USH2A: variants seen among roughly 807,000 people sequenced by gnomAD.
USH2A encodes the protein Usher syndrome 2A (autosomal recessive, mild).
USH2A carries 443 observed loss-of-function variants against 538.9 expected under a neutral mutation model. The observed-to-expected ratio is 0.82, with a 90% CI of 0.76 to 0.89. The LOEUF is 0.89. USH2A is among the 40% of genes least tolerant of loss of function. The pLI is 0.00. For missense variants in USH2A, 6,633 were observed against 6,324.8 expected (o/e 1.05, Z -1.65); for synonymous variants, 2,413 against 2,273.5 (o/e 1.06, Z -1.75).
At chr1:215,648,889 A>G in intron 65 of USH2A, 123 bp from the exon 66 acceptor site, 1 of 937,586 alleles carries the variant, frequency 1.1e-6, no homozygotes. Context: ...GAGACACAAC[A>G]TGGCATTTAG....
chr1:216,014,670 T>C (rs1173530157), intron 32 of USH2A, among the ~76,000 whole-genome samples: 2 of 152,152 alleles, frequency 1.3e-5, no homozygotes, highest in Non-Finnish European at 2.9e-5. Flanking sequence ...ACACAGGGAG[T>C]TGTGGACAGG....
In USH2A at chr1:215,743,386, ATGTGTGTGTGTGTGTGTGTGTGTGTG is replaced by A. The variant is rs61304768; in HGVS notation, c.11390-77_11390-52del. On this transcript the variant is annotated intron_variant, in intron 58 of 71. Coordinates refer to ENST00000307340, the MANE Select transcript of USH2A (RefSeq NM_206933.4). ...ACATTAAAAACATATATATATATAT[ATGTGTGTGTGTGTGTGTGTGTGTGTG>A]TGTGTATATATATATAGACACACAT... 5.7e-4 allele frequency: 188 copies of A among 328,206 alleles called. 22 individuals are homozygous for A. The highest frequency in any genetic ancestry group is 1.8e-3 in the Middle Eastern group (2 of 1,140). 20.3% of individuals were successfully genotyped at this position (328,206 alleles called of 1,614,324 possible).
intron 44 of USH2A, among the ~76,000 whole-genome samples, chr1:215,856,605 A>G (rs1411964673): frequency 4.6e-5 from 7 of 152,194 alleles, no homozygotes; most frequent in African/African-American, 1.7e-4. Flanking sequence ...GTGGGAACGT[A>G]AACTAGTACA....
intron 21 of USH2A, among the ~76,000 whole-genome samples, chr1:216,138,715 C>A (rs573994768): frequency 6.6e-6 from 1 of 152,208 alleles, no homozygotes; most frequent in Admixed American, 6.5e-5. Context: ...CTGCTTCTGA[C>A]TCAGGGCAGA....
chr1:215,703,603 T>C (rs889131559), intron 61 of USH2A, among the ~76,000 whole-genome samples: 1 of 152,166 alleles, frequency 6.6e-6, no homozygotes, highest in Non-Finnish European at 1.5e-5. Flanking sequence ...GGTGGCTTTG[T>C]TCACACTGTG....
At chr1:216,263,706 A>G (rs1400959907) in intron 11 of USH2A, among the ~76,000 whole-genome samples, 1 of 152,150 alleles carries the variant, frequency 6.6e-6, no homozygotes, top group Non-Finnish European at 1.5e-5. Context: ...AGGAACTGGA[A>G]CATGATGGTG....
At position 216,077,601 on chromosome 1, in the gene USH2A, A is replaced by C. The variant is rs561941893; in HGVS notation, c.5572+488T>G. 1.0e-4 allele frequency among the ~76,000 whole-genome samples: 15 copies of C among 148,866 alleles called. No individual in the cohort carries two copies. In the South Asian group the frequency reaches 2.9e-3, roughly 29 times the overall value. On this transcript the variant is annotated intron_variant, in intron 27 of 71. Coordinates refer to ENST00000307340, the MANE Select transcript of USH2A (RefSeq NM_206933.4). The stretch of plus-strand genomic sequence containing the variant: ...ATTATATATATAATTATGTATGTAC[A>C]CACATATATTTCTTATATAATTATG...
intron 6 of USH2A, 23 bp from the exon 7 acceptor site, chr1:216,324,375 T>C (rs1368571656): frequency 1.3e-6 from 2 of 1,578,968 alleles, no homozygotes; most frequent in Non-Finnish European, 1.7e-6. Flanking sequence ...AGTTAATTAA[T>C]GTAATTAAAG....
At chr1:216,060,029 C>T (rs558124680) in intron 30 of USH2A, among the ~76,000 whole-genome samples, 1 of 152,256 alleles carries the variant, frequency 6.6e-6, no homozygotes, top group South Asian at 2.1e-4. Context: ...TCTTCACTTG[C>T]CTTGGCATTT....
chr1:216,316,078 C>G, intron 9 of USH2A, among the ~76,000 whole-genome samples: 1 of 151,866 alleles, frequency 6.6e-6, no homozygotes, highest in East Asian at 1.9e-4. Context: ...ACATTAAAGT[C>G]AAGGCCTTAA....
rs114987677 is a variant in USH2A at position 215,932,709 on chromosome 1, A to G, written c.7300+1907T>C. Among the ~76,000 whole-genome samples, 1,497 of 152,156 alleles carry G rather than the reference A, an allele frequency of 9.8e-3. 7 individuals carry two copies. Among genetic ancestry groups the G allele is most frequent in the African/African-American group, 0.024 (1,007 of 41,564 alleles). ...TCCCAAATTCTAGATTTCTGAATAC[A>G]TAAAGTGGAGGATTGCATCAGGCCC... On this transcript the variant is annotated intron_variant, in intron 38 of 71. Coordinates refer to ENST00000307340, the MANE Select transcript of USH2A (RefSeq NM_206933.4).
chr1:215,971,458 T>C (rs1340097646), intron 35 of USH2A, among the ~76,000 whole-genome samples: 1 of 151,782 alleles, frequency 6.6e-6, no homozygotes, highest in Non-Finnish European at 1.5e-5. Context: ...GTGGCCTAAG[T>C]AAAAAATTCC....
chr1:216,359,466 A>G (rs2038450089), intron 4 of USH2A, among the ~76,000 whole-genome samples: 2 of 152,126 alleles, frequency 1.3e-5, no homozygotes, highest in African/African-American at 4.8e-5. Flanking sequence ...TAATATTTTG[A>G]TCAAAGAAGC....
rs1234900862 is a variant in USH2A, at chr1:215,926,610, C to A, written c.7300+8006G>T. Reference sequence around the variant, plus strand: ...AATAGTAGACACTTGCTTTACCTACCTATCTTTTTTTTTTTTTTTTTTTTG... The same window carrying A: ...AATAGTAGACACTTGCTTTACCTACATATCTTTTTTTTTTTTTTTTTTTTG... On this transcript the variant is annotated intron_variant, in intron 38 of 71. Transcript: ENST00000307340. Among the ~76,000 whole-genome samples, 6 of 38,938 alleles carry A rather than the reference C, an allele frequency of 1.5e-4. No individual in the cohort carries two copies. The East Asian group carries it at 6.2e-3, about 40-fold the overall frequency. The allele number at this position is 38,938 out of a possible 152,430, so 25.5% of individuals were successfully genotyped here.
chr1:215,660,748 T>A (rs1217799993), intron 64 of USH2A, among the ~76,000 whole-genome samples: 1 of 152,180 alleles, frequency 6.6e-6, no homozygotes, highest in East Asian at 1.9e-4. Context: ...TTATTACTGG[T>A]TTCCATTAGA....
At chr1:216,244,485 A>G (rs1169759350) in intron 13 of USH2A, among the ~76,000 whole-genome samples, 3 of 152,192 alleles carry the variant, frequency 2.0e-5, no homozygotes, top group Non-Finnish European at 4.4e-5. Context: ...TAGACAGGAA[A>G]GAGCCATAGA....
intron 35 of USH2A, among the ~76,000 whole-genome samples, chr1:215,980,769 A>G (rs540987347): frequency 6.6e-6 from 1 of 152,210 alleles, no homozygotes; most frequent in African/African-American, 2.4e-5. Flanking sequence ...TGTTCTATAC[A>G]TGTTTTTGAG....
intron 32 of USH2A, among the ~76,000 whole-genome samples, chr1:216,004,179 G>GT (rs1422509476): frequency 2.0e-5 from 3 of 152,162 alleles, no homozygotes; most frequent in Non-Finnish European, 4.4e-5. Context: ...AGAGGAGATT[G>GT]TCAGGATATT....
intron 15 of USH2A, among the ~76,000 whole-genome samples, chr1:216,211,709 T>C (rs1248453517): frequency 6.6e-6 from 1 of 152,078 alleles, no homozygotes; most frequent in African/African-American, 2.4e-5. Flanking sequence ...AGGAAAAGAG[T>C]AGCAACAATC....
Sources: allele counts gnomAD v4.1 joint callset (sites outside exome capture counted in the v4.1 genomes callset), GRCh38; gene constraint gnomAD v4.1.1; transcripts MANE v1.5; gene names NCBI Gene and HGNC (gene_info 2026-07-23, HGNC 2026-07-21).